Variants in ALG6 observed in about 807,000 individuals in gnomAD.
ALG6 encodes the protein dolichyl pyrophosphate Man9GlcNAc2 alpha-1,3-glucosyltransferase.
In ALG6, 46 loss-of-function variants were observed where a neutral mutation model predicts 66.6. The observed-to-expected ratio is 0.69, with a 90% CI of 0.55 to 0.88. ALG6 has a LOEUF of 0.88. Ranked by LOEUF, ALG6 falls within the 40% of genes least tolerant of loss-of-function variation. ALG6 has a pLI of 0.00. For synonymous variants in ALG6, 185 were observed against 203.7 expected, an observed-to-expected ratio of 0.91 and a Z score of 0.78; for missense variants, 505 against 586.8, an observed-to-expected ratio of 0.86 and a Z score of 1.44.
chr1:63,431,395 A>G (rs1047177923), intron 14 of ALG6, among the ~76,000 whole-genome samples: 2 of 152,154 alleles, frequency 1.3e-5, no homozygotes, highest in African/African-American at 4.8e-5. Flanking sequence ...GACTGAGTCG[A>G]TTCTGCATAT....
intron 14 of ALG6, among the ~76,000 whole-genome samples, chr1:63,431,577 C>T (rs545135411): frequency 6.6e-5 from 10 of 152,210 alleles, no homozygotes; most frequent in South Asian, 2.1e-4. Context: ...CCACCACACC[C>T]GGCTAATTTT....
intron 2 of ALG6, among the ~76,000 whole-genome samples, chr1:63,389,182 C>G (rs1488683325): frequency 6.6e-6 from 1 of 152,152 alleles, no homozygotes; most frequent in Non-Finnish European, 1.5e-5. Context: ...CTCTCTCTCT[C>G]TCTATTACCT....
chr1:63,385,951 CTGTCATGTA>C (rs1234698571), intron 2 of ALG6, among the ~76,000 whole-genome samples: 1 of 152,130 alleles, frequency 6.6e-6, no homozygotes, highest in Non-Finnish European at 1.5e-5. Flanking sequence ...AGCTGTGGGT[CTGTCATGTA>C]TGGCTTTTAT....
At chr1:63,387,742 G>A (rs113284844) in intron 2 of ALG6, among the ~76,000 whole-genome samples, 39 of 151,520 alleles carry the variant, frequency 2.6e-4, no homozygotes, top group African/African-American at 8.0e-4. Context: ...AGGTTTTGCC[G>A]TGTTGGCCAG....
At chr1:63,416,947 T>C (rs1053115955) in intron 11 of ALG6, among the ~76,000 whole-genome samples, 1 of 152,196 alleles carries the variant, frequency 6.6e-6, no homozygotes, top group African/African-American at 2.4e-5. Flanking sequence ...GGGACTGCCA[T>C]GTAAGTACGT....
intron 11 of ALG6, among the ~76,000 whole-genome samples, chr1:63,417,070 T>G (rs1186923585): frequency 1.3e-5 from 2 of 152,196 alleles, no homozygotes; most frequent in East Asian, 3.9e-4. Flanking sequence ...TTCATTATCT[T>G]TTTATTGATG....
intron 11 of ALG6, 32 bp downstream of exon 11, chr1:63,415,989 C>T: frequency 7.2e-7 from 1 of 1,394,090 alleles, no homozygotes; most frequent in Non-Finnish European, 1.0e-6. Context: ...ATACTTAATT[C>T]TTGCCACAAC....
intron 12 of ALG6, among the ~76,000 whole-genome samples, chr1:63,422,403 A>G (rs1644589857): frequency 1.2e-5 from 1 of 83,918 alleles, no homozygotes; most frequent in Non-Finnish European, 2.5e-5. Flanking sequence ...ATATATATCT[A>G]TATAAATATA....
At chr1:63,407,636 T>G (rs916739527) in intron 7 of ALG6, among the ~76,000 whole-genome samples, 5 of 152,050 alleles carry the variant, frequency 3.3e-5, no homozygotes, top group African/African-American at 1.2e-4. Flanking sequence ...AAAGCTTAGA[T>G]GAGAATAAAT....
chr1:63,397,239 G>T (rs1276103590), intron 3 of ALG6, among the ~76,000 whole-genome samples: 2 of 151,724 alleles, frequency 1.3e-5, no homozygotes, highest in Non-Finnish European at 2.9e-5. Context: ...AGGCTGGAGT[G>T]CAGTGGCGTG....
At chr1:63,372,533 A>G (rs888106074) in intron 2 of ALG6, among the ~76,000 whole-genome samples, 3 of 148,510 alleles carry the variant, frequency 2.0e-5, no homozygotes, top group African/African-American at 7.4e-5. Flanking sequence ...GTGTGTCTGT[A>G]TATAGTAAAT....
At chr1:63,403,075 A>G (rs923230535) in intron 4 of ALG6, among the ~76,000 whole-genome samples, 6 of 138,346 alleles carry the variant, frequency 4.3e-5, no homozygotes, top group Non-Finnish European at 9.2e-5. Flanking sequence ...ATCCTGGGCA[A>G]CAGAGTGAGA....
chr1:63,394,956 C>G (rs1356822883), intron 2 of ALG6, among the ~76,000 whole-genome samples: 1 of 151,650 alleles, frequency 6.6e-6, no homozygotes, highest in Non-Finnish European at 1.5e-5. Context: ...ACCTCCGCCT[C>G]CTGGGTTCAA....
intron 12 of ALG6, among the ~76,000 whole-genome samples, chr1:63,424,371 C>T (rs545425566): frequency 6.6e-6 from 1 of 152,250 alleles, no homozygotes; most frequent in South Asian, 2.1e-4. Flanking sequence ...GAACTCCTGA[C>T]CTCGTGATCC....
rs535453282 is a variant in ALG6 at position 63,390,056 on chromosome 1, C to T, written c.83-6457C>T. ...GAAGCTAGCACAGCACTGGGTCTTA[C>T]CCAAGGCCTGCGGCAGTCACTGCCT... On this transcript the variant is annotated intron_variant, in intron 2 of 14. Coordinates refer to ENST00000263440, the MANE Select transcript of ALG6 (RefSeq NM_013339.4). Among the ~76,000 whole-genome samples the T allele has an allele frequency of 2.6e-5, 4 of 152,322 alleles. No individual in the cohort carries two copies. The East Asian group carries it at 7.7e-4, about 29-fold the overall frequency.
intron 12 of ALG6, among the ~76,000 whole-genome samples, chr1:63,422,124 TAAATAAATATATA>T (rs1644578062): frequency 1.3e-5 from 1 of 74,366 alleles, no homozygotes; most frequent in African/African-American, 5.0e-5. Flanking sequence ...TATAAATATA[TAAATAAATATATA>T]AATATATATA....
intron 12 of ALG6, among the ~76,000 whole-genome samples, chr1:63,424,523 T>A (rs1269029179): frequency 6.6e-6 from 1 of 152,054 alleles, no homozygotes; most frequent in Non-Finnish European, 1.5e-5. Context: ...TTATCAGATA[T>A]ATGATTTGCA....
chr1:63,402,531 A>T (rs1001016189), intron 4 of ALG6, among the ~76,000 whole-genome samples, 188 bp downstream of exon 4: 1 of 146,330 alleles, frequency 6.8e-6, no homozygotes, highest in East Asian at 2.1e-4. Context: ...CAGTGGTACA[A>T]TCTCGGCTTA....
intron 12 of ALG6, 36 bp from the exon 13 acceptor site, chr1:63,428,697 T>C: frequency 7.2e-7 from 1 of 1,380,082 alleles, no homozygotes; most frequent in Non-Finnish European, 1.0e-6. Flanking sequence ...AGTTATATTC[T>C]GTAATATTAA....
Sources: gnomAD v4.1 joint callset for allele counts (sites outside exome capture counted in the v4.1 genomes callset) on GRCh38, gnomAD v4.1.1 for gene constraint, MANE v1.5 for transcripts, NCBI Gene and HGNC (gene_info 2026-07-23, HGNC 2026-07-21) for gene names.